AUTS2: variants seen among roughly 807,000 people sequenced by gnomAD.
AUTS2 encodes autism susceptibility gene 2 protein.
In AUTS2, 17 loss-of-function variants were observed where a neutral mutation model predicts 112.4. The observed-to-expected ratio is 0.15, with a 90% CI of 0.10 to 0.23. The LOEUF (loss-of-function observed/expected upper bound fraction) is 0.23, where lower values mean the gene tolerates loss of function less well. Among genes scored for constraint, AUTS2 ranks in the 10% least tolerant of loss-of-function variants. The probability of loss-of-function intolerance (pLI) is 1.00; values close to 1 mark genes in which losing one functional copy is unlikely to be tolerated. For missense variants in AUTS2, 1,510 were observed against 1,701.6 expected, an observed-to-expected ratio of 0.89 and a Z score of 1.98; for synonymous variants, 751 against 702.7, an observed-to-expected ratio of 1.07 and a Z score of -1.09.
intron 2 of AUTS2, among the ~76,000 whole-genome samples, chr7:70,047,335 C>A (rs182244049): frequency 6.6e-6 from 1 of 152,076 alleles, no homozygotes; most frequent in East Asian, 1.9e-4. Context: ...GAATGCTAAC[C>A]CTCACGGAGC....
chr7:69,648,667 A>T (rs1468889982), intron 1 of AUTS2, among the ~76,000 whole-genome samples: 2 of 152,126 alleles, frequency 1.3e-5, no homozygotes, highest in Admixed American at 6.6e-5. Context: ...AATTTTCCAA[A>T]TTAATTTAGA....
intron 4 of AUTS2, among the ~76,000 whole-genome samples, chr7:70,365,477 A>G (rs1042161414): frequency 2.6e-5 from 4 of 152,234 alleles, no homozygotes; most frequent in Non-Finnish European, 4.4e-5. Context: ...CCAATGACAC[A>G]TATAAAGCAC....
chr7:70,777,843 G>C (rs1329381366), intron 14 of AUTS2, among the ~76,000 whole-genome samples: 2 of 152,210 alleles, frequency 1.3e-5, no homozygotes, highest in African/African-American at 2.4e-5. Context: ...CTCTGCATCT[G>C]GGAAGAGCTA....
intron 2 of AUTS2, among the ~76,000 whole-genome samples, chr7:70,039,866 A>G (rs1013301395): frequency 6.6e-6 from 1 of 152,228 alleles, no homozygotes; most frequent in Non-Finnish European, 1.5e-5. Flanking sequence ...AGTGCATGCT[A>G]AGTACTAAAT....
At chr7:69,970,410 A>C (rs962644309) in intron 2 of AUTS2, among the ~76,000 whole-genome samples, 2 of 152,198 alleles carry the variant, frequency 1.3e-5, no homozygotes, top group Admixed American at 6.5e-5. Context: ...CCTCAAATGC[A>C]GCATTTCTAA....
intron 5 of AUTS2, among the ~76,000 whole-genome samples, chr7:70,575,459 T>G (rs983652071): frequency 6.6e-6 from 1 of 151,634 alleles, no homozygotes; most frequent in Admixed American, 6.6e-5. Context: ...GAAAGCCAGC[T>G]AACGAATGAT....
At chr7:69,635,459 C>A (rs767088084) in intron 1 of AUTS2, among the ~76,000 whole-genome samples, 5 of 152,056 alleles carry the variant, frequency 3.3e-5, no homozygotes, top group African/African-American at 4.8e-5. Context: ...ACAGTATCTG[C>A]GGGGAAAAGT....
chr7:69,856,692 T>C (rs976036478), intron 1 of AUTS2, among the ~76,000 whole-genome samples: 1 of 152,214 alleles, frequency 6.6e-6, no homozygotes, highest in Non-Finnish European at 1.5e-5. Context: ...TCACACCTAC[T>C]CACTTAAGAA....
intron 1 of AUTS2, among the ~76,000 whole-genome samples, chr7:69,717,681 G>A (rs1266289844): frequency 1.3e-5 from 2 of 152,174 alleles, no homozygotes; most frequent in Admixed American, 6.5e-5. Context: ...TTTGTGAAGG[G>A]GGTGGAGGTA....
intron 2 of AUTS2, among the ~76,000 whole-genome samples, chr7:69,989,769 C>A (rs1798665828): frequency 6.6e-6 from 1 of 152,278 alleles, no homozygotes; most frequent in African/African-American, 2.4e-5. Context: ...CTGTCCATAG[C>A]CCATTGGGAA....
chr7:70,634,614 C>T (rs980465351), intron 5 of AUTS2, among the ~76,000 whole-genome samples: 2 of 152,126 alleles, frequency 1.3e-5, no homozygotes, highest in African/African-American at 4.8e-5. Flanking sequence ...ATCTTTCCTG[C>T]CCCAGTGTCA....
intron 1 of AUTS2, among the ~76,000 whole-genome samples, chr7:69,782,984 T>TCGA (rs1156611012): frequency 6.6e-6 from 1 of 152,052 alleles, no homozygotes; most frequent in East Asian, 1.9e-4. Context: ...CTCTTACTCG[T>TCGA]ACCCAAATCC....
Position 70,763,188 on chromosome 7 carries a change from C to T in AUTS2, c.1061C>T (p.Pro354Leu), listed in dbSNP as rs545795149. Residue 354 changes from proline (P) to leucine (L), a missense_variant, in exon 7 of 19, where the codon CCG (proline) becomes CTG (leucine). Coordinates refer to ENST00000342771, the MANE Select transcript of AUTS2 (RefSeq NM_015570.4). The stretch of plus-strand genomic sequence containing the variant: ...CCTGAGGCCCAGCTCCAGCCTGCCC[C>T]GCAGCCTCAGGTGCAGAGGCCACCC... ...GPPEAQLQPA[P>L]QPQVQRPPRP... is the part of the protein sequence containing the mutation. The T allele has an allele frequency of 2.8e-5, 45 of 1,614,028 alleles. No homozygotes were observed. Among genetic ancestry groups the T allele is most frequent in the Admixed American group, 8.3e-5 (5 of 60,016 alleles).
At chr7:70,137,963 A>G (rs750584506) in intron 4 of AUTS2, among the ~76,000 whole-genome samples, 2 of 152,220 alleles carry the variant, frequency 1.3e-5, no homozygotes, top group Non-Finnish European at 2.9e-5. Flanking sequence ...GTATGTGAAC[A>G]TAAAACAGGG....
At chr7:70,150,643 T>G (rs1045098816) in intron 4 of AUTS2, among the ~76,000 whole-genome samples, 1 of 152,206 alleles carries the variant, frequency 6.6e-6, no homozygotes, top group Non-Finnish European at 1.5e-5. Context: ...AACTGTACAT[T>G]TTGTAGTTAG....
intron 1 of AUTS2, among the ~76,000 whole-genome samples, chr7:69,835,398 T>C (rs985452539): frequency 1.3e-5 from 2 of 152,178 alleles, no homozygotes; most frequent in Admixed American, 6.6e-5. Context: ...ACTCTGATCT[T>C]CTGATTTTTC....
intron 1 of AUTS2, among the ~76,000 whole-genome samples, chr7:69,760,715 G>C (rs1788150151): frequency 1.3e-5 from 2 of 152,134 alleles, no homozygotes; most frequent in South Asian, 4.1e-4. Flanking sequence ...CAGCTACTCA[G>C]GAGGCTGAGG....
intron 4 of AUTS2, among the ~76,000 whole-genome samples, chr7:70,186,176 G>A (rs780521792): frequency 9.2e-5 from 14 of 152,162 alleles, no homozygotes; most frequent in South Asian, 4.2e-4. Flanking sequence ...GGGGAACTTC[G>A]GGATGATATG....
intron 6 of AUTS2, among the ~76,000 whole-genome samples, chr7:70,718,646 G>A (rs2129550962): frequency 6.6e-6 from 1 of 152,322 alleles, no homozygotes; most frequent in South Asian, 2.1e-4. Context: ...CTGGGCGACA[G>A]GGTAAGACTC....
Sources: gnomAD v4.1 joint callset for allele counts (sites outside exome capture counted in the v4.1 genomes callset) on GRCh38, gnomAD v4.1.1 for gene constraint, MANE v1.5 for transcripts, NCBI Gene and HGNC (gene_info 2026-07-23, HGNC 2026-07-21) for gene names.